The following PRDM11 variants were observed in gnomAD, a reference collection of about 807,000 sequenced individuals.
PRDM11 encodes the protein PR domain-containing protein 11.
A neutral mutation model predicts 97.8 loss-of-function variants in PRDM11; 20 were observed. The observed-to-expected ratio is 0.20, with a 90% confidence interval of 0.14 to 0.30. PRDM11 has a LOEUF of 0.30. Ranked by LOEUF, PRDM11 falls within the 10% of genes least tolerant of loss-of-function variation. The pLI is 1.00. For synonymous variants in PRDM11, 599 were observed against 637.7 expected (o/e 0.94, Z 0.91); for missense variants, 1,139 against 1,555.2 (o/e 0.73, Z 4.50).
intron 1 of PRDM11, among the ~76,000 whole-genome samples, chr11:45,115,441 G>T (rs924007890): frequency 6.6e-6 from 1 of 152,034 alleles, no homozygotes; most frequent in Admixed American, 6.6e-5. Context: ...AAATTGATAG[G>T]CCTATACTCA....
intron 1 of PRDM11, among the ~76,000 whole-genome samples, chr11:45,154,506 T>C (rs1344475506): frequency 6.6e-6 from 1 of 152,190 alleles, no homozygotes; most frequent in Admixed American, 6.5e-5. Flanking sequence ...GTACGGGAAG[T>C]GGAGTAGGGG....
intron 4 of PRDM11, among the ~76,000 whole-genome samples, chr11:45,202,919 A>C (rs1853380144): frequency 6.6e-6 from 1 of 152,220 alleles, no homozygotes; most frequent in South Asian, 2.1e-4. Context: ...TCAGGGCATC[A>C]AGGCTGCAGA....
intron 1 of PRDM11, among the ~76,000 whole-genome samples, chr11:45,156,065 C>T (rs148346205): frequency 6.6e-6 from 1 of 152,298 alleles, no homozygotes; most frequent in East Asian, 1.9e-4. Context: ...AGTCTGAGCT[C>T]TTTATCACAG....
chr11:45,141,487 C>G (rs1240683051), intron 1 of PRDM11, among the ~76,000 whole-genome samples: 1 of 152,176 alleles, frequency 6.6e-6, no homozygotes, highest in Admixed American at 6.5e-5. Context: ...ATTGGTTATG[C>G]AGCAATAGAC....
At chr11:45,148,688 G>C (rs1387489168) in intron 1 of PRDM11, among the ~76,000 whole-genome samples, 1 of 152,134 alleles carries the variant, frequency 6.6e-6, no homozygotes, top group Admixed American at 6.5e-5. Context: ...TAGACTTCTT[G>C]GGTTGATGTG....
intron 1 of PRDM11, among the ~76,000 whole-genome samples, chr11:45,151,911 A>G (rs1851670072): frequency 6.6e-6 from 1 of 152,136 alleles, no homozygotes; most frequent in Admixed American, 6.5e-5. Flanking sequence ...ATGAGGCTGG[A>G]AAGAAAATAA....
chr11:45,115,094 G>A (rs945877880), intron 1 of PRDM11, among the ~76,000 whole-genome samples: 2 of 151,784 alleles, frequency 1.3e-5, no homozygotes, highest in African/African-American at 4.8e-5. Context: ...TAATTATTTG[G>A]AGCAAAAATT....
Position 45,234,641 on chromosome 11 carries a change from G to A in PRDM11, c.*6482G>A, listed in dbSNP as rs1482260123. 6.6e-6 allele frequency: 1 copy of A among 152,210 alleles called. No homozygotes were observed. The highest frequency in any genetic ancestry group is 6.5e-5 in the Admixed American group (1 of 15,270). The allele number at this position is 152,210 out of a possible 1,614,324, so 9.4% of individuals were successfully genotyped here. On this transcript the variant is annotated 3_prime_UTR_variant, in exon 8 of 8. Transcript: ENST00000683152. ...TACCTCAGAGAGAGAGCACGCCAGG[G>A]GCACCAAGGGACCGAGCCCTCTGTC... is the stretch of plus-strand genomic sequence containing the variant.
intron 5 of PRDM11, among the ~76,000 whole-genome samples, chr11:45,218,124 A>T (rs1854010786): frequency 6.6e-6 from 1 of 152,216 alleles, no homozygotes; most frequent in Non-Finnish European, 1.5e-5. Flanking sequence ...ATATAAATGT[A>T]ACATCATTTA....
intron 1 of PRDM11, among the ~76,000 whole-genome samples, chr11:45,174,507 A>G (rs541732063): frequency 6.6e-6 from 1 of 152,330 alleles, no homozygotes; most frequent in African/African-American, 2.4e-5. Flanking sequence ...CTTCGGGTAG[A>G]GATATGGGGG....
rs1466704660 is a variant in PRDM11 at position 45,172,929 on chromosome 11, A to T, written c.-6-8832A>T. ...GCTCTGAGGAACTCGCTTCATGCTG[A>T]AGATGCTTCCTGCTGGGGTCCTCTG... On this transcript the variant is annotated intron_variant, in intron 1 of 7. Coordinates refer to ENST00000683152, the MANE Select transcript of PRDM11 (RefSeq NM_001384648.1). 2.6e-5 allele frequency among the ~76,000 whole-genome samples: 4 copies of T among 152,296 alleles called. No homozygotes were observed. In the East Asian group the frequency reaches 5.8e-4, roughly 22 times the overall value.
At chr11:45,153,217 A>G (rs1379368037) in intron 1 of PRDM11, among the ~76,000 whole-genome samples, 1 of 152,226 alleles carries the variant, frequency 6.6e-6, no homozygotes, top group Non-Finnish European at 1.5e-5. Context: ...GATAAAATCC[A>G]GCAAAGTGCC....
intron 1 of PRDM11, among the ~76,000 whole-genome samples, chr11:45,161,679 G>C (rs1053915058): frequency 2.0e-5 from 3 of 152,258 alleles, no homozygotes; most frequent in African/African-American, 7.2e-5. Context: ...ATCCAGGTCA[G>C]GGTTGGCCTC....
At position 45,227,586 on chromosome 11, in the gene PRDM11, G is replaced by T. The variant is rs894467036; in HGVS notation, c.2961G>T (p.Gln987His). 6.5e-7 allele frequency: 1 copy of T among 1,533,910 alleles called. No individual in the cohort carries two copies. Among genetic ancestry groups the T allele is most frequent in the Non-Finnish European group, 8.7e-7 (1 of 1,146,732 alleles). Reference protein sequence around the residue: ...SRSRIFVKACQVFDLAAWPRS... With the variant: ...SRSRIFVKACHVFDLAAWPRS... Reference sequence around the variant, plus strand: ...GCCGGATCTTTGTGAAGGCCTGCCAGGTGTTTGACCTGGCTGCCTGGCCCA... The same window carrying T: ...GCCGGATCTTTGTGAAGGCCTGCCATGTGTTTGACCTGGCTGCCTGGCCCA... The change falls in exon 8 of 8, where the codon CAG becomes CAT. Residue 987 changes from glutamine to histidine, a missense_variant. Around this residue, in one of 2 missense-constraint regions of PRDM11, gnomAD observed 710 missense variants for 1,044.9 expected, o/e 0.68. Transcript: ENST00000683152. This position sits in a 1 kb window ranked among gnomAD's most constrained non-coding sequence, Gnocchi z 8.0.
intron 6 of PRDM11, 86 bp from the exon 7 acceptor site, chr11:45,224,131 C>T: frequency 6.8e-7 from 1 of 1,461,982 alleles, no homozygotes; most frequent in Non-Finnish European, 9.1e-7. Context: ...GTCAGGTGAC[C>T]TAACAGGAGG....
intron 1 of PRDM11, among the ~76,000 whole-genome samples, chr11:45,132,870 G>A (rs1852748975): frequency 6.6e-6 from 1 of 152,172 alleles, no homozygotes; most frequent in Non-Finnish European, 1.5e-5. Context: ...CCTAAAGCCA[G>A]CCCAGGGACA....
intron 1 of PRDM11, chr11:45,147,408 G>A (rs1212801427): frequency 6.6e-6 from 1 of 152,206 alleles, no homozygotes; most frequent in Admixed American, 6.5e-5. Flanking sequence ...ATGAAGGTGG[G>A]AGGCGTCCTT....
intron 1 of PRDM11, among the ~76,000 whole-genome samples, chr11:45,162,593 T>C (rs1324356171): frequency 1.3e-5 from 2 of 152,164 alleles, no homozygotes; most frequent in East Asian, 3.9e-4. Flanking sequence ...GCAGGCACTA[T>C]CTGTGACATT....
At chr11:45,192,359 G>A (rs1360163621) in intron 4 of PRDM11, among the ~76,000 whole-genome samples, 1 of 152,202 alleles carries the variant, frequency 6.6e-6, no homozygotes, top group Admixed American at 6.5e-5. Context: ...GAGTAAAAAT[G>A]AATACCTCAA....
Sources: allele counts gnomAD v4.1 joint callset (sites outside exome capture counted in the v4.1 genomes callset), GRCh38; gene constraint gnomAD v4.1.1; regional missense constraint gnomAD v4.1.1; non-coding constraint Gnocchi (gnomAD v3.1); transcripts MANE v1.5; gene names NCBI Gene and HGNC (gene_info 2026-07-23, HGNC 2026-07-21).